Variants in POU6F2 observed in about 807,000 individuals in gnomAD.
The protein encoded by POU6F2 is POU domain, class 6, transcription factor 2.
A neutral mutation model predicts 71.3 loss-of-function variants in POU6F2; 31 were observed. The observed-to-expected ratio is 0.43, with a 90% CI of 0.33 to 0.59. POU6F2 has a LOEUF of 0.59. Among genes scored for constraint, POU6F2 ranks in the 20% least tolerant of loss-of-function variants. POU6F2 has a pLI of 0.04. For missense variants in POU6F2, 783 were observed against 856.8 expected (o/e 0.91, Z 1.07); for synonymous variants, 347 against 355.7 (o/e 0.98, Z 0.27).
intron 4 of POU6F2, among the ~76,000 whole-genome samples, chr7:39,333,766 T>A (rs1271092546): frequency 6.6e-6 from 1 of 151,982 alleles, no homozygotes; most frequent in Non-Finnish European, 1.5e-5. Context: ...ATAAAAATAG[T>A]CTCAGTGTTG....
chr7:39,277,383 T>C (rs1470349316), intron 4 of POU6F2, among the ~76,000 whole-genome samples: 1 of 152,152 alleles, frequency 6.6e-6, no homozygotes, highest in Non-Finnish European at 1.5e-5. Flanking sequence ...GAGGGAAGTT[T>C]TCCAGCCCTT....
At chr7:39,366,545 G>A (rs184130395) in intron 5 of POU6F2, among the ~76,000 whole-genome samples, 2 of 152,296 alleles carry the variant, frequency 1.3e-5, no homozygotes, top group Admixed American at 6.5e-5. Flanking sequence ...AAGGAGATGG[G>A]AGAATGGTCT....
intron 1 of POU6F2, among the ~76,000 whole-genome samples, chr7:38,981,246 C>T (rs959093200): frequency 6.6e-6 from 1 of 152,192 alleles, no homozygotes; most frequent in Non-Finnish European, 1.5e-5. Context: ...ATTTCCATCT[C>T]TTATGGCCAT....
intron 2 of POU6F2, among the ~76,000 whole-genome samples, chr7:39,198,974 C>T: frequency 6.6e-6 from 1 of 152,192 alleles, no homozygotes; most frequent in East Asian, 1.9e-4. Flanking sequence ...TGTGTCACCT[C>T]CTTCACTGGT....
At chr7:39,208,359 A>G (rs1364241968) in intron 4 of POU6F2, among the ~76,000 whole-genome samples, 1 of 152,226 alleles carries the variant, frequency 6.6e-6, no homozygotes, top group African/African-American at 2.4e-5. Context: ...TATAAATAGG[A>G]TGCCTGCTAA....
At position 39,465,879 on chromosome 7, in the gene POU6F2, A is replaced by G. The variant is rs1789059342; in HGVS notation, c.*1193A>G. ...TCTATGTTATGCTTCTGTGCAAAGCAATTTCTCTCAGAAGTCTGATAGCCA... is the reference window on the plus strand; with the variant it reads ...TCTATGTTATGCTTCTGTGCAAAGCGATTTCTCTCAGAAGTCTGATAGCCA... On this transcript the variant is annotated 3_prime_UTR_variant, in exon 10 of 10. Coordinates refer to ENST00000518318, the MANE Select transcript of POU6F2 (RefSeq NM_001370959.1). 1 of 152,210 alleles carries G rather than the reference A, an allele frequency of 6.6e-6. No homozygotes were observed. The highest frequency in any genetic ancestry group is 6.5e-5 in the Admixed American group (1 of 15,272). 9.4% of individuals were successfully genotyped at this position (152,210 alleles called of 1,614,324 possible). A position where few individuals can be genotyped will look rare whatever the true frequency, so the allele number is the denominator to read the frequency against.
In POU6F2 at chr7:39,190,838, A is replaced by G. The variant is rs184099164; in HGVS notation, c.278-13397A>G. 1.7e-3 allele frequency among the ~76,000 whole-genome samples: 256 copies of G among 151,814 alleles called. 1 individual carries two copies. Among genetic ancestry groups the G allele is most frequent in the African/African-American group, 5.8e-3 (241 of 41,394 alleles). On this transcript the variant is annotated intron_variant, in intron 2 of 9. Transcript: ENST00000518318. ...TTTTTAGCAGAGACGAGGTTTCACC[A>G]TGTTGGTCAGGCTGGTCTCGAACTC... is the stretch of plus-strand genomic sequence containing the variant.
At chr7:39,390,048 G>A (rs183179600) in intron 5 of POU6F2, among the ~76,000 whole-genome samples, 1 of 152,148 alleles carries the variant, frequency 6.6e-6, no homozygotes, top group Admixed American at 6.5e-5. Flanking sequence ...TGCTACATCA[G>A]GTAGGTAGTG....
rs542069420 is a variant in POU6F2, at chr7:39,108,317, A to G, written c.277+22286A>G. On this transcript the variant is annotated intron_variant, in intron 2 of 9. Transcript: ENST00000518318. ...TCTTTCCCTTTTTTTCTCTCCTTTG[A>G]TGATCCCAATTTCTATCCTAGCCTG... Among the ~76,000 whole-genome samples, 121 of 150,864 alleles carry G rather than the reference A, an allele frequency of 8.0e-4. 2 individuals carry two copies. In the South Asian group the frequency reaches 0.024, roughly 30 times the overall value.
At chr7:39,141,213 A>G (rs1017600208) in intron 2 of POU6F2, among the ~76,000 whole-genome samples, 43 of 152,160 alleles carry the variant, frequency 2.8e-4, no homozygotes, top group African/African-American at 1.0e-3. Flanking sequence ...CTCATTATTG[A>G]TAATTATTGA....
chr7:39,435,622 C>G (rs184102674), intron 7 of POU6F2, among the ~76,000 whole-genome samples: 17 of 152,290 alleles, frequency 1.1e-4, no homozygotes, highest in African/African-American at 3.4e-4. Context: ...TGCAGAAGCT[C>G]TTTAGTTTAA....
At chr7:38,984,246 A>T (rs921095554) in intron 1 of POU6F2, 1 of 152,096 alleles carries the variant, frequency 6.6e-6, no homozygotes, top group Non-Finnish European at 1.5e-5. Flanking sequence ...AATGAAAAGG[A>T]TATAGTCGCT....
intron 2 of POU6F2, among the ~76,000 whole-genome samples, chr7:39,195,925 C>T (rs766116491): frequency 2.6e-5 from 4 of 151,980 alleles, no homozygotes; most frequent in Non-Finnish European, 5.9e-5. Flanking sequence ...AAACGCTCTT[C>T]TCTCTCTCTC....
chr7:39,299,981 T>C (rs1374766753), intron 4 of POU6F2, among the ~76,000 whole-genome samples: 1 of 152,170 alleles, frequency 6.6e-6, no homozygotes, highest in Non-Finnish European at 1.5e-5. Flanking sequence ...AGCCCACTGT[T>C]TTTGTTTCCA....
At chr7:39,242,242 G>C (rs1006089566) in intron 4 of POU6F2, among the ~76,000 whole-genome samples, 1 of 152,058 alleles carries the variant, frequency 6.6e-6, no homozygotes, top group African/African-American at 2.4e-5. Context: ...TGGAATTCCT[G>C]GGTTATATGG....
chr7:39,013,552 C>T (rs35987668), intron 1 of POU6F2: 30,936 of 152,598 alleles, frequency 0.2, 3,445 homozygotes, highest in South Asian at 0.35. Flanking sequence ...TGGCTCCTCC[C>T]TAGATAGGTA....
At chr7:39,150,432 C>G (rs1187234114) in intron 2 of POU6F2, among the ~76,000 whole-genome samples, 1 of 147,514 alleles carries the variant, frequency 6.8e-6, no homozygotes, top group Admixed American at 6.8e-5. Flanking sequence ...AACCTCCACA[C>G]TGTTTTGTAT....
At chr7:39,191,043 G>T (rs193203397) in intron 2 of POU6F2, among the ~76,000 whole-genome samples, 2 of 152,262 alleles carry the variant, frequency 1.3e-5, no homozygotes, top group East Asian at 3.9e-4. Context: ...AAAATCTCCA[G>T]TTTGTTCGAC....
intron 4 of POU6F2, among the ~76,000 whole-genome samples, chr7:39,269,445 C>G (rs867149774): frequency 2.0e-5 from 3 of 152,242 alleles, no homozygotes; most frequent in Non-Finnish European, 2.9e-5. Flanking sequence ...CCCCCCAACA[C>G]CCCCACCAGA....
Sources: allele counts gnomAD v4.1 joint callset (sites outside exome capture counted in the v4.1 genomes callset), GRCh38; gene constraint gnomAD v4.1.1; transcripts MANE v1.5; gene names NCBI Gene and HGNC (gene_info 2026-07-23, HGNC 2026-07-21).